Variants in ERFL observed in about 807,000 individuals in gnomAD.
ERFL encodes the protein ETS domain-containing transcription factor ERF-like.
ERFL carries 8 observed loss-of-function variants against 27.9 expected under a neutral mutation model. The ratio of observed to expected loss-of-function variants is 0.29; its 90% CI spans 0.17 to 0.52. The LOEUF is 0.52. ERFL is among the 20% of genes least tolerant of loss of function. The probability of loss-of-function intolerance (pLI) is 0.97; values close to 1 mark genes in which losing one functional copy is unlikely to be tolerated. For missense variants in ERFL, 294 were observed against 444.4 expected (o/e 0.66, Z 3.04); for synonymous variants, 174 against 202.8 (o/e 0.86, Z 1.21).
In ERFL at chr19:41,909,934, C is replaced by T; in HGVS notation, c.231G>A (p.Glu77=). The change falls in exon 3 of 6, where the codon GAG becomes GAA. Residue 77 remains glutamate, a synonymous_variant. Coordinates refer to ENST00000597630, the MANE Select transcript of ERFL (RefSeq NM_001365103.2). This position sits in a 1 kb window ranked among gnomAD's most constrained non-coding sequence, Gnocchi z 5.2. ...TGCGAATACCCCACAGCCGGGCCAC[C>T]TCATCGGGGTCTTTGATGACGAATT... ...YGEFVIKDPD[E]VARLWGIRKC... is the part of the protein sequence containing the mutation. The T allele has an allele frequency of 6.2e-7, 1 of 1,613,908 alleles. No homozygotes were observed. The highest frequency in any genetic ancestry group is 1.7e-5 in the Admixed American group (1 of 60,002).
rs1319744290 is a variant in ERFL at position 41,908,176 on chromosome 19, C to T, written c.*52G>A. 3.0e-5 allele frequency: 37 copies of T among 1,218,742 alleles called. 1 individual carries two copies. The highest frequency in any genetic ancestry group is 3.1e-4 in the Middle Eastern group (1 of 3,218). The allele number at this position is 1,218,742 out of a possible 1,614,324, so 75.5% of individuals were successfully genotyped here. On this transcript the variant is annotated 3_prime_UTR_variant, in exon 6 of 6. Coordinates refer to ENST00000597630, the MANE Select transcript of ERFL (RefSeq NM_001365103.2). The surrounding 1 kb of genome is among the most constrained non-coding windows in gnomAD (Gnocchi z 6.7). The stretch of plus-strand genomic sequence containing the variant: ...CCTTGGGCCAGGCATCAAGGGCAGA[C>T]GGGCAGCCACCCTGGTCCCTGCCTC...
intron 1 of ERFL, among the ~76,000 whole-genome samples, chr19:41,913,180 C>T (rs1335446003): frequency 1.3e-5 from 2 of 151,914 alleles, no homozygotes; most frequent in Non-Finnish European, 2.9e-5. Context: ...TCACTCGGTG[C>T]CTCCATCACT....
chr19:41,915,028 C>CCGCGTCT (rs1460106621), intron 1 of ERFL, among the ~76,000 whole-genome samples: 3 of 106,398 alleles, frequency 2.8e-5, no homozygotes, highest in Non-Finnish European at 5.7e-5. Context: ...TGTCCCTGTC[C>CCGCGTCT]CGCGTCTCTC....
In ERFL at chr19:41,908,130, G is replaced by T; in HGVS notation, c.*98C>A. On this transcript the variant is annotated 3_prime_UTR_variant, in exon 6 of 6. Transcript: ENST00000597630. This position sits in a 1 kb window ranked among gnomAD's most constrained non-coding sequence, Gnocchi z 6.7. The stretch of plus-strand genomic sequence containing the variant: ...GCAGCAATGTGCCCAGACCTGGGAG[G>T]TGCTGAGGGCTGGTCCTGGGCCTTG... The T allele has an allele frequency of 1.0e-6, 1 of 975,698 alleles. No homozygotes were observed. The highest frequency in any genetic ancestry group is 5.2e-5 in the South Asian group (1 of 19,340). 60.4% of individuals were successfully genotyped at this position (975,698 alleles called of 1,614,324 possible). A position where few individuals can be genotyped will look rare whatever the true frequency, so the allele number is the denominator to read the frequency against.
At chr19:41,914,321 C>A (rs1424858101) in intron 1 of ERFL, among the ~76,000 whole-genome samples, 2 of 151,380 alleles carry the variant, frequency 1.3e-5, no homozygotes, top group Non-Finnish European at 2.9e-5. Context: ...CCTTCCGTCT[C>A]CCCCCACCAT....
At chr19:41,920,262 G>A (rs190606461) in intron 1 of ERFL, among the ~76,000 whole-genome samples, 25 of 122,234 alleles carry the variant, frequency 2.0e-4, no homozygotes, top group Non-Finnish European at 3.8e-4. Context: ...GCACAGACAT[G>A]ACATGCTCAC....
At chr19:41,913,729 G>A (rs2074768512) in intron 1 of ERFL, among the ~76,000 whole-genome samples, 2 of 124,450 alleles carry the variant, frequency 1.6e-5, no homozygotes, top group African/African-American at 3.1e-5. Flanking sequence ...GATATCTTAC[G>A]CCCCTAAGAT....
intron 1 of ERFL, among the ~76,000 whole-genome samples, chr19:41,920,309 A>G (rs1234234420): frequency 2.1e-5 from 3 of 146,278 alleles, no homozygotes; most frequent in African/African-American, 7.5e-5. Flanking sequence ...GCTCACAGAC[A>G]TGACATGCCC....
chr19:41,924,767 C>A lies in ERFL; in HGVS notation c.-14+3273G>T, dbSNP rs140390495. Among the ~76,000 whole-genome samples the A allele has an allele frequency of 9.0e-4, 137 of 152,108 alleles. 1 individual carries two copies. Among genetic ancestry groups the A allele is most frequent in the African/African-American group, 3.2e-3 (132 of 41,490 alleles). On this transcript the variant is annotated intron_variant, in intron 1 of 5. Transcript: ENST00000597630. Reference sequence around the variant, plus strand: ...TAACACATGCTACAGGTGTTATGCACGTGGAGGAAGGCGCTCCTCGAGGAG... The same window carrying A: ...TAACACATGCTACAGGTGTTATGCAAGTGGAGGAAGGCGCTCCTCGAGGAG...
Position 41,917,164 on chromosome 19 carries a change from G to A in ERFL, c.-13-4232C>T, listed in dbSNP as rs2074806549. ...TCTCTGTCACTGAGGGTCTCTGTCT[G>A]TCTCTGTCAGAGAGGGTCTTTTCTG... is the stretch of plus-strand genomic sequence containing the variant. On this transcript the variant is annotated intron_variant, in intron 1 of 5. Coordinates refer to ENST00000597630, the MANE Select transcript of ERFL (RefSeq NM_001365103.2). This position sits in a 1 kb window ranked among gnomAD's most constrained non-coding sequence, Gnocchi z 4.8. 6.6e-6 allele frequency among the ~76,000 whole-genome samples: 1 copy of A among 152,130 alleles called. No homozygotes were observed. The highest frequency in any genetic ancestry group is 2.4e-5 in the African/African-American group (1 of 41,412).
intron 1 of ERFL, among the ~76,000 whole-genome samples, chr19:41,920,995 C>A (rs1305847716): frequency 6.6e-6 from 1 of 152,228 alleles, no homozygotes; most frequent in African/African-American, 2.4e-5. Flanking sequence ...GTCTCAGTCT[C>A]CGCACGATGT....
chr19:41,912,178 C>T (rs1021934822), intron 2 of ERFL, among the ~76,000 whole-genome samples: 10 of 152,248 alleles, frequency 6.6e-5, no homozygotes, highest in Admixed American at 1.3e-4. Context: ...CAAGCAAATA[C>T]ACAAGCTCAC....
chr19:41,912,689 CAA>C (rs1429292644), intron 2 of ERFL, among the ~76,000 whole-genome samples, 162 bp downstream of exon 2: 2 of 152,174 alleles, frequency 1.3e-5, no homozygotes, highest in Non-Finnish European at 2.9e-5. Context: ...AGTTTTTAGC[CAA>C]GTTTCTCAGA....
Position 41,921,546 on chromosome 19 carries a change from G to A in ERFL, c.-14+6494C>T, listed in dbSNP as rs782047416. Among the ~76,000 whole-genome samples, 51 of 148,122 alleles carry A rather than the reference G, an allele frequency of 3.4e-4. No individual in the cohort carries two copies. Among genetic ancestry groups the A allele is most frequent in the African/African-American group, 1.0e-3 (38 of 37,654 alleles). Reference sequence around the variant, plus strand: ...GGGGAGATCCGAGGTGGGGAAACACGGCAGAAGGAGCGAACCAGAGAGGCT... The same window carrying A: ...GGGGAGATCCGAGGTGGGGAAACACAGCAGAAGGAGCGAACCAGAGAGGCT... On this transcript the variant is annotated intron_variant, in intron 1 of 5. Coordinates refer to ENST00000597630, the MANE Select transcript of ERFL (RefSeq NM_001365103.2). This position sits in a 1 kb window ranked among gnomAD's most constrained non-coding sequence, Gnocchi z 4.4.
In ERFL at chr19:41,909,264, AC is replaced by A. The variant is rs2074739078; in HGVS notation, c.498+11del. ...AGTGCCTCGGTTCCAGGACCCCAGT[AC>A]CCAGACTCACCTCAGGGGTGAGGGG... On this transcript the variant is annotated intron_variant, in intron 4 of 5. Transcript: ENST00000597630. This position sits in a 1 kb window ranked among gnomAD's most constrained non-coding sequence, Gnocchi z 5.2. The A allele has an allele frequency of 1.5e-5, 18 of 1,231,408 alleles. No homozygotes were observed. The East Asian group carries it at 5.7e-4, about 39-fold the overall frequency. 76.3% of individuals were successfully genotyped at this position (1,231,408 alleles called of 1,614,324 possible). A position where few individuals can be genotyped will look rare whatever the true frequency, so the allele number is the denominator to read the frequency against.
chr19:41,924,673 C>T (rs111252786), intron 1 of ERFL, among the ~76,000 whole-genome samples: 1 of 152,116 alleles, frequency 6.6e-6, no homozygotes, highest in African/African-American at 2.4e-5. Flanking sequence ...CAGATAACCT[C>T]GGACTTAAGA....
chr19:41,919,594 AC>A (rs2074825371), intron 1 of ERFL, among the ~76,000 whole-genome samples: 2 of 151,754 alleles, frequency 1.3e-5, no homozygotes, highest in African/African-American at 4.8e-5. Flanking sequence ...CACAACAGCA[AC>A]CCCCGAACAC....
At chr19:41,914,895 T>TGTCTCTGTCTATCCCTCCCCTTCCACC (rs1184317997) in intron 1 of ERFL, among the ~76,000 whole-genome samples, 14 of 14,932 alleles carry the variant, frequency 9.4e-4, no homozygotes, top group South Asian at 4.3e-3. Context: ...CCATCATCTC[T>TGTCTCTGTCTATCCCTCCCCTTCCACC]GTCTCTGTCT....
chr19:41,909,726 A>T lies in ERFL; in HGVS notation c.302+137T>A. 9.7e-7 allele frequency: 1 copy of T among 1,030,876 alleles called. No individual in the cohort carries two copies. 63.9% of individuals were successfully genotyped at this position (1,030,876 alleles called of 1,614,324 possible). A position where few individuals can be genotyped will look rare whatever the true frequency, so the allele number is the denominator to read the frequency against. On this transcript the variant is annotated intron_variant, in intron 3 of 5. Transcript: ENST00000597630. The surrounding 1 kb of genome is among the most constrained non-coding windows in gnomAD (Gnocchi z 5.2). ...CCTCGCCTCCCTTCCACTCACAAGTAGCGATGGTGGCTACTCACGCACAGC... is the reference window on the plus strand; with the variant it reads ...CCTCGCCTCCCTTCCACTCACAAGTTGCGATGGTGGCTACTCACGCACAGC...
Sources: allele counts gnomAD v4.1 joint callset (sites outside exome capture counted in the v4.1 genomes callset), GRCh38; gene constraint gnomAD v4.1.1; non-coding constraint Gnocchi (gnomAD v3.1); transcripts MANE v1.5; gene names NCBI Gene and HGNC (gene_info 2026-07-23, HGNC 2026-07-21).